The following KRT79 variants were observed in gnomAD, a reference collection of about 807,000 sequenced individuals.
KRT79 encodes the protein keratin 79, also known as keratin, type II cytoskeletal 79.
KRT79 carries 51 observed loss-of-function variants against 49.0 expected under a neutral mutation model. The observed-to-expected ratio is 1.04, with a 90% CI of 0.83 to 1.31. The LOEUF is 1.31. Among genes scored for constraint, KRT79 ranks in the 40% most tolerant of loss-of-function variants. The pLI is 0.00. For synonymous variants in KRT79, 312 were observed against 286.6 expected, an observed-to-expected ratio of 1.09 and a Z score of -0.90; for missense variants, 728 against 688.0, an observed-to-expected ratio of 1.06 and a Z score of -0.65.
intron 7 of KRT79, among the ~76,000 whole-genome samples, 170 bp from the exon 8 acceptor site, chr12:52,822,549 G>A (rs997425087): frequency 4.6e-5 from 7 of 152,214 alleles, no homozygotes; most frequent in Non-Finnish European, 1.0e-4. Context: ...AAAAGCCAGT[G>A]CTGCAGAAAG....
chr12:52,827,135 G>C (rs528572866), intron 4 of KRT79, among the ~76,000 whole-genome samples: 1 of 152,302 alleles, frequency 6.6e-6, no homozygotes, highest in Admixed American at 6.5e-5. Context: ...AGTCCTTCCT[G>C]CTCCTCCTCT....
Position 52,833,951 on chromosome 12 carries a change from T to G in KRT79, c.310A>C (p.Thr104Pro), listed in dbSNP as rs778287919. 11 of 1,613,126 alleles carry G rather than the reference T, an allele frequency of 6.8e-6. No individual in the cohort carries two copies. The highest frequency in any genetic ancestry group is 9.3e-6 in the Non-Finnish European group (11 of 1,179,500). Residue 104 changes from threonine (T) to proline (P), a missense_variant, in exon 1 of 9, where the codon ACG becomes CCG. Transcript: ENST00000330553. ...CCAGGAGGACAAGCAGGCCCAAACG[T>G]CTGCCTGCCAGCCCCCTGTCCCATA... ...AFMGQGAGRQ[T>P]FGPACPPGGI...
At position 52,821,926 on chromosome 12, in the gene KRT79, GC is replaced by G. The variant is rs767146563; in HGVS notation, c.1553del (p.Gly518AlafsTer21). ...STVKGGPVSA[G>X]TSILRKTTTV... Reference sequence around the variant, plus strand: ...TAGTGGTCTTCCGCAGGATGGAGGTGCCCGCAGAGACTGGCCCTCCCTTGAC... The same window carrying G: ...TAGTGGTCTTCCGCAGGATGGAGGTGCCGCAGAGACTGGCCCTCCCTTGAC... On this transcript the variant is annotated frameshift_variant, in exon 9 of 9. Transcript: ENST00000330553. LOFTEE classifies it high-confidence loss of function. The G allele has an allele frequency of 2.4e-5, 39 of 1,614,140 alleles. No homozygotes were observed. In the South Asian group the frequency reaches 4.3e-4, roughly 18 times the overall value.
rs1243324504 is a variant in KRT79, at chr12:52,831,559, T to C, written c.545A>G (p.Gln182Arg). The part of the protein sequence containing the change: ...TKWALLQEQG[Q>R]NLGVTRNNLE... ...GTTGTTCCTGGTGACACCCAAGTTC[T>C]GGCCCTGCTCCTGCAGCAGTGCCCA... Residue 182 changes from glutamine to arginine, a missense_variant, in exon 2 of 9, where the codon CAG (glutamine) becomes CGG (arginine). Gln to Arg is a conservative substitution (Grantham distance 43). Transcript: ENST00000330553. The C allele has an allele frequency of 2.5e-6, 4 of 1,614,148 alleles. No individual in the cohort carries two copies. Among genetic ancestry groups the C allele is most frequent in the Non-Finnish European group, 3.4e-6 (4 of 1,180,054 alleles).
At position 52,821,608 on chromosome 12, in the gene KRT79, G is replaced by A; in HGVS notation, c.*264C>T. On this transcript the variant is annotated 3_prime_UTR_variant, in exon 9 of 9. Coordinates refer to ENST00000330553, the MANE Select transcript of KRT79 (RefSeq NM_175834.3). ...GCTTGAGAAATTCAGCCTCCTCTCG[G>A]TGGTCAAAAGGTCACCCCCAAGTCA... The A allele has an allele frequency of 2.0e-6, 1 of 511,512 alleles. No individual in the cohort carries two copies. The highest frequency in any genetic ancestry group is 3.5e-6 in the Non-Finnish European group (1 of 282,328). The allele number at this position is 511,512 out of a possible 1,614,324, so 31.7% of individuals were successfully genotyped here.
Position 52,828,502 on chromosome 12 carries a change from T to C in KRT79, c.855+1521A>G, listed in dbSNP as rs539599471. On this transcript the variant is annotated intron_variant, in intron 4 of 8. Transcript: ENST00000330553. Reference sequence around the variant, plus strand: ...ATAACACAAAGCTATGCATCACTAATACACTGGATAAAAGAATCAAGTTAC... The same window carrying C: ...ATAACACAAAGCTATGCATCACTAACACACTGGATAAAAGAATCAAGTTAC... Among the ~76,000 whole-genome samples, 30 of 152,292 alleles carry C rather than the reference T, an allele frequency of 2.0e-4. No individual in the cohort carries two copies. The South Asian group carries it at 6.2e-3, about 32-fold the overall frequency.
Position 52,831,646 on chromosome 12 carries a change from GT to G in KRT79, c.478-21del. The G allele has an allele frequency of 6.2e-7, 1 of 1,600,558 alleles. No individual in the cohort carries two copies. The highest frequency in any genetic ancestry group is 1.1e-5 in the South Asian group (1 of 90,716). ...CCGCACCTGAGCCAGAGCAGAAAGG[GT>G]GGGCTGATGTCACCCTCCGGTCACC... is the stretch of plus-strand genomic sequence containing the variant. On this transcript the variant is annotated intron_variant, in intron 1 of 8. Coordinates refer to ENST00000330553, the MANE Select transcript of KRT79 (RefSeq NM_175834.3).
chr12:52,832,096 G>C (rs1163647863), intron 1 of KRT79, among the ~76,000 whole-genome samples: 1 of 152,104 alleles, frequency 6.6e-6, no homozygotes. Flanking sequence ...TAGCAAGACT[G>C]TCTCCACTAA....
chr12:52,821,721 C>T lies in KRT79; in HGVS notation c.*151G>A. 5.8e-6 allele frequency: 4 copies of T among 691,418 alleles called. No homozygotes were observed. Among genetic ancestry groups the T allele is most frequent in the Middle Eastern group, 4.0e-4 (1 of 2,528 alleles). 42.8% of individuals were successfully genotyped at this position (691,418 alleles called of 1,614,324 possible). On this transcript the variant is annotated 3_prime_UTR_variant, in exon 9 of 9. Transcript: ENST00000330553. ...GAGAAAACCTGAGTAGATTTGAGCG[C>T]TTCCCAAGATGCAAATAGTCTGGTA...
chr12:52,824,455 G>A, intron 4 of KRT79, 93 bp from the exon 5 acceptor site: 6 of 1,315,784 alleles, frequency 4.6e-6, no homozygotes, highest in Non-Finnish European at 6.3e-6. Context: ...GGTAGCATCA[G>A]GAGGCCTGTG....
intron 4 of KRT79, among the ~76,000 whole-genome samples, chr12:52,825,601 CAG>C (rs1940165340): frequency 1.3e-5 from 2 of 152,162 alleles, no homozygotes; most frequent in African/African-American, 2.4e-5. Context: ...CAAAGAGAGA[CAG>C]GGGGAAAAGA....
In KRT79 at chr12:52,827,917, A is replaced by C. The variant is rs112665166; in HGVS notation, c.855+2106T>G. The stretch of plus-strand genomic sequence containing the variant: ...ACAGGGATCCAGGCTAGAAAAGCAT[A>C]CACTCAGAGGCTCCAGGGACTGCCA... On this transcript the variant is annotated intron_variant, in intron 4 of 8. Coordinates refer to ENST00000330553, the MANE Select transcript of KRT79 (RefSeq NM_175834.3). Among the ~76,000 whole-genome samples, 1,147 of 152,310 alleles carry C rather than the reference A, an allele frequency of 7.5e-3. 22 individuals carry two copies. The highest frequency in any genetic ancestry group is 0.026 in the African/African-American group (1,066 of 41,566).
chr12:52,823,803 G>T, intron 6 of KRT79, 84 bp downstream of exon 6: 1 of 1,458,862 alleles, frequency 6.9e-7, no homozygotes. Context: ...GTCAGGAGAA[G>T]AGCAGGCCTA....
intron 6 of KRT79, among the ~76,000 whole-genome samples, chr12:52,823,647 G>T (rs1229888613): frequency 6.6e-6 from 1 of 152,150 alleles, no homozygotes; most frequent in Non-Finnish European, 1.5e-5. Context: ...AGATGGGATG[G>T]ATCAGTTTCC....
At chr12:52,824,411 G>A (rs748486068) in intron 4 of KRT79, 49 bp from the exon 5 acceptor site, 20 of 1,590,162 alleles carry the variant, frequency 1.3e-5, no homozygotes, top group Non-Finnish European at 1.6e-5. Context: ...CCAGGCCCCA[G>A]GAAGCATCAG....
rs1030723234 is a variant in KRT79, at chr12:52,821,862, G to A, written c.*10C>T. On this transcript the variant is annotated 3_prime_UTR_variant, in exon 9 of 9. Coordinates refer to ENST00000330553, the MANE Select transcript of KRT79 (RefSeq NM_175834.3). ...GACAGGATTGCAGGGGCCCTTGCAGGGCTCAGCAGCTAATACCTCTGGCTG... is the reference window on the plus strand; with the variant it reads ...GACAGGATTGCAGGGGCCCTTGCAGAGCTCAGCAGCTAATACCTCTGGCTG... 6.2e-7 allele frequency: 1 copy of A among 1,612,784 alleles called. No homozygotes were observed. The highest frequency in any genetic ancestry group is 1.3e-5 in the African/African-American group (1 of 74,886).
At chr12:52,822,252 A>C (rs757181991) in intron 8 of KRT79, 93 bp downstream of exon 8, 1 of 1,382,498 alleles carries the variant, frequency 7.2e-7, no homozygotes, top group Non-Finnish European at 1.0e-6. Context: ...AATGGAGGAG[A>C]GCATGCTTTA....
In KRT79 at chr12:52,830,289, G is replaced by A. The variant is rs146150131; in HGVS notation, c.702C>T (p.Tyr234=). The A allele has an allele frequency of 8.4e-5, 136 of 1,614,086 alleles. No individual in the cohort carries two copies. Among genetic ancestry groups the A allele is most frequent in the East Asian group, 1.8e-4 (8 of 44,882 alleles). ...CAGTGTGCTTGTTGATTTCATCCTC[G>A]TACCTGTTACACATGGGAGACTCAG... ...QDLVEDFKNK[Y]EDEINKHTAA... is the part of the protein sequence containing the mutation. The change falls in exon 3 of 9, where the codon TAC becomes TAT. Residue 234 remains tyrosine (Y), a synonymous_variant. Coordinates refer to ENST00000330553, the MANE Select transcript of KRT79 (RefSeq NM_175834.3).
At chr12:52,826,713 C>T (rs1176202487) in intron 4 of KRT79, among the ~76,000 whole-genome samples, 1 of 152,018 alleles carries the variant, frequency 6.6e-6, no homozygotes, top group East Asian at 1.9e-4. Context: ...GACTGGGTTC[C>T]ACAGATGCCC....
Sources: allele counts gnomAD v4.1 joint callset (sites outside exome capture counted in the v4.1 genomes callset), GRCh38; gene constraint gnomAD v4.1.1; transcripts MANE v1.5; gene names NCBI Gene and HGNC (gene_info 2026-07-23, HGNC 2026-07-21).